Variants in RFX7 observed in about 807,000 individuals in gnomAD.
RFX7 encodes regulatory factor X7.
A neutral mutation model predicts 111.8 loss-of-function variants in RFX7; 26 were observed. The ratio of observed to expected loss-of-function variants is 0.23; its 90% CI spans 0.17 to 0.32. The LOEUF (loss-of-function observed/expected upper bound fraction) is 0.32, where lower values mean the gene tolerates loss of function less well. RFX7 is among the 10% of genes least tolerant of loss of function. The probability of loss-of-function intolerance (pLI) is 1.00; values close to 1 mark genes in which losing one functional copy is unlikely to be tolerated. For synonymous variants in RFX7, 624 were observed against 624.4 expected, an observed-to-expected ratio of 1.00 and a Z score of 0.01; for missense variants, 1,573 against 1,772.9, an observed-to-expected ratio of 0.89 and a Z score of 2.02.
At position 56,096,321 on chromosome 15, in the gene RFX7, A is replaced by T. The variant is rs748624637; in HGVS notation, c.1407T>A (p.Ser469=). ...TTGTTGTCATTTTCACCACATTTAGAGAACTCATGTGTGAAGCGGGTACAA... is the reference window on the plus strand; with the variant it reads ...TTGTTGTCATTTTCACCACATTTAGTGAACTCATGTGTGAAGCGGGTACAA... ...TAVVPASHMS[S]LNVVKMTTIS... is the part of the protein sequence containing the mutation. Residue 469 remains serine, a synonymous_variant, in exon 10 of 10, where the codon TCT becomes TCA. Transcript: ENST00000559447. 1 of 1,613,968 alleles carries T rather than the reference A, an allele frequency of 6.2e-7. No individual in the cohort carries two copies. The highest frequency in any genetic ancestry group is 1.7e-5 in the Admixed American group (1 of 60,012).
chr15:56,115,896 C>G (rs796935747), intron 5 of RFX7, among the ~76,000 whole-genome samples: 1 of 150,544 alleles, frequency 6.6e-6, no homozygotes, highest in African/African-American at 2.4e-5. Context: ...GAGCCGAGAT[C>G]GTGCCACTGC....
chr15:56,212,772 G>A (rs1269941968), intron 2 of RFX7, among the ~76,000 whole-genome samples: 4 of 152,130 alleles, frequency 2.6e-5, no homozygotes, highest in Admixed American at 2.6e-4. Context: ...TAAAAATAGA[G>A]TATGTTAAAA....
chr15:56,133,442 G>T (rs2042245318), intron 5 of RFX7, among the ~76,000 whole-genome samples: 1 of 151,954 alleles, frequency 6.6e-6, no homozygotes, highest in Non-Finnish European at 1.5e-5. Context: ...TTATAAAAGG[G>T]TCCATACACA....
intron 3 of RFX7, among the ~76,000 whole-genome samples, chr15:56,148,728 C>T (rs1419746977): frequency 6.6e-6 from 1 of 152,148 alleles, no homozygotes; most frequent in Non-Finnish European, 1.5e-5. Flanking sequence ...AGCTTGTAGT[C>T]ATGTGATTAT....
chr15:56,162,504 T>C (rs2042732123), intron 3 of RFX7, among the ~76,000 whole-genome samples: 1 of 152,100 alleles, frequency 6.6e-6, no homozygotes, highest in Non-Finnish European at 1.5e-5. Context: ...CATCATATTT[T>C]TGAGACAATG....
intron 2 of RFX7, among the ~76,000 whole-genome samples, chr15:56,193,769 A>G (rs12593752): frequency 0.13 from 19,775 of 152,186 alleles, 1,670 homozygotes; most frequent in East Asian, 0.43. Context: ...TAAGCAACAG[A>G]GATGGCTTGA....
chr15:56,160,559 C>CT (rs1402848313), intron 3 of RFX7, among the ~76,000 whole-genome samples: 15 of 152,132 alleles, frequency 9.9e-5, no homozygotes, highest in African/African-American at 3.6e-4. Context: ...TTTTTCCCCC[C>CT]TCAAGCGACA....
At chr15:56,112,152 A>G (rs1423775285) in intron 5 of RFX7, among the ~76,000 whole-genome samples, 1 of 151,526 alleles carries the variant, frequency 6.6e-6, no homozygotes, top group Non-Finnish European at 1.5e-5. Context: ...AACCTGGTTC[A>G]GCCTTTTCAT....
chr15:56,177,212 GCTT>G (rs2042912506), intron 3 of RFX7, among the ~76,000 whole-genome samples: 1 of 152,078 alleles, frequency 6.6e-6, no homozygotes, highest in South Asian at 2.1e-4. Flanking sequence ...ACTCAAGCTG[GCTT>G]CTTATTACTC....
At chr15:56,230,523 T>C (rs1410914868) in intron 2 of RFX7, among the ~76,000 whole-genome samples, 1 of 152,110 alleles carries the variant, frequency 6.6e-6, no homozygotes, top group Non-Finnish European at 1.5e-5. Context: ...ACAGAAACAA[T>C]ATGTAGAAAA....
chr15:56,204,926 T>C (rs1423279209), intron 2 of RFX7, among the ~76,000 whole-genome samples: 5 of 152,116 alleles, frequency 3.3e-5, no homozygotes, highest in African/African-American at 1.2e-4. Flanking sequence ...TGAGAATAAG[T>C]AGTATACACA....
At chr15:56,127,343 T>C (rs1333516192) in intron 5 of RFX7, among the ~76,000 whole-genome samples, 2 of 151,548 alleles carry the variant, frequency 1.3e-5, no homozygotes, top group African/African-American at 2.4e-5. Flanking sequence ...AGGAAATTTA[T>C]AGGGACATAT....
At chr15:56,137,944 C>T (rs2042329733) in intron 5 of RFX7, among the ~76,000 whole-genome samples, 1 of 151,988 alleles carries the variant, frequency 6.6e-6, no homozygotes, top group African/African-American at 2.4e-5. Flanking sequence ...ATTCTTAACC[C>T]TGAGTTCTAG....
chr15:56,130,676 G>C (rs1781007945), intron 5 of RFX7, among the ~76,000 whole-genome samples: 1 of 151,034 alleles, frequency 6.6e-6, no homozygotes, highest in Admixed American at 6.6e-5. Flanking sequence ...AAAAATAAAA[G>C]CACCTAATAA....
At chr15:56,141,656 A>AATACATATATATATATATATATATAT (rs1555421060) in intron 5 of RFX7, among the ~76,000 whole-genome samples, 5 of 83,208 alleles carry the variant, frequency 6.0e-5, no homozygotes, top group Non-Finnish European at 6.6e-5. Flanking sequence ...GCTTACTCTA[A>AATACATATATATATATATATATATAT]ATATATATAT....
In RFX7 at chr15:56,098,684, A is replaced by C. The variant is rs74634787; in HGVS notation, c.812-308T>G. Among the ~76,000 whole-genome samples, 12 of 152,368 alleles carry C rather than the reference A, an allele frequency of 7.9e-5. No homozygotes were observed. In the East Asian group the frequency reaches 2.3e-3, roughly 29 times the overall value. ...CGTAGCTATATCGTAAATGTGCAGA[A>C]GCTGAGATAAATGCCAACACAGCAT... On this transcript the variant is annotated intron_variant, in intron 8 of 9. Coordinates refer to ENST00000559447, the MANE Select transcript of RFX7 (RefSeq NM_022841.7).
At chr15:56,103,766 A>G (rs1374158019) in intron 5 of RFX7, 96 bp from the exon 6 acceptor site, 2 of 721,418 alleles carry the variant, frequency 2.8e-6, no homozygotes, top group African/African-American at 3.6e-5. Context: ...GACAAAGTGA[A>G]GCAAAGGATC....
chr15:56,186,074 T>C (rs12324642), intron 2 of RFX7, among the ~76,000 whole-genome samples: 3 of 152,214 alleles, frequency 2.0e-5, no homozygotes, highest in African/African-American at 7.2e-5. Flanking sequence ...TTATATCAAA[T>C]GAAACTCCAC....
intron 2 of RFX7, among the ~76,000 whole-genome samples, chr15:56,214,575 C>T (rs144791272): frequency 0.013 from 1,952 of 152,046 alleles, 19 homozygotes; most frequent in Non-Finnish European, 0.019. Context: ...ATTAGCCAGG[C>T]GCGGTGGCGG....
Sources: allele counts gnomAD v4.1 joint callset (sites outside exome capture counted in the v4.1 genomes callset), GRCh38; gene constraint gnomAD v4.1.1; transcripts MANE v1.5; gene names NCBI Gene and HGNC (gene_info 2026-07-23, HGNC 2026-07-21).